CHIC1: variants seen among roughly 807,000 people sequenced by gnomAD.
The protein encoded by CHIC1 is cysteine-rich hydrophobic domain-containing protein 1.
Under a neutral mutation model 18.5 loss-of-function variants are expected in CHIC1, and 7 were observed. The observed-to-expected ratio is 0.38, with a 90% CI of 0.22 to 0.71. CHIC1 has a LOEUF of 0.71. CHIC1 is among the 30% of genes least tolerant of loss of function. The pLI, the probability that CHIC1 is intolerant of heterozygous loss-of-function variation, is 0.49. For missense variants in CHIC1, 159 were observed against 176.9 expected (o/e 0.90, Z 0.57); for synonymous variants, 77 against 73.5 (o/e 1.05, Z -0.25).
chrX:73,585,712 T>C (rs2057549618), intron 3 of CHIC1, among the ~76,000 whole-genome samples: 1 of 111,487 alleles, frequency 9.0e-6, no homozygotes, highest in Admixed American at 9.6e-5. Context: ...GATTTTTTTG[T>C]TTGTTTGTTT....
chrX:73,627,979 C>T (rs764213139), intron 3 of CHIC1, among the ~76,000 whole-genome samples: 4 of 111,579 alleles, frequency 3.6e-5, no homozygotes, highest in East Asian at 2.8e-4. Context: ...CTGGTTATTT[C>T]GAGTTCAAGA....
chrX:73,634,128 A>G (rs765624479), intron 3 of CHIC1, among the ~76,000 whole-genome samples: 40 of 112,006 alleles, frequency 3.6e-4, no homozygotes, highest in African/African-American at 9.1e-4. Flanking sequence ...ACACATTGCC[A>G]TCTTCACAGT....
chrX:73,673,102 G>T (rs974851770), intron 3 of CHIC1, among the ~76,000 whole-genome samples: 12 of 111,597 alleles, frequency 1.1e-4, no homozygotes, highest in Non-Finnish European at 2.1e-4. Context: ...CTGTTCCATT[G>T]ATCTATATCT....
At chrX:73,654,711 C>T (rs2057933544) in intron 3 of CHIC1, among the ~76,000 whole-genome samples, 1 of 111,699 alleles carries the variant, frequency 9.0e-6, no homozygotes, top group Admixed American at 9.5e-5. Context: ...TCACATTTCA[C>T]ATTATTGGTC....
chrX:73,588,060 A>G (rs934082347), intron 3 of CHIC1, among the ~76,000 whole-genome samples: 2 of 111,857 alleles, frequency 1.8e-5, no homozygotes, highest in Admixed American at 9.5e-5. Flanking sequence ...GCTAACTTTG[A>G]TACTTTTCTG....
At chrX:73,677,424 C>G (rs1028149137) in intron 3 of CHIC1, among the ~76,000 whole-genome samples, 1 of 111,748 alleles carries the variant, frequency 8.9e-6, no homozygotes, top group African/African-American at 3.2e-5. Context: ...AATCAAACAA[C>G]TAACTCAGCA....
chrX:73,600,366 C>G (rs2057638550), intron 3 of CHIC1, among the ~76,000 whole-genome samples: 1 of 97,122 alleles, frequency 1.0e-5, no homozygotes, highest in African/African-American at 4.1e-5. Context: ...ACTTCCAACA[C>G]TATGTTGAAT....
In CHIC1 at chrX:73,664,638, G is replaced by C. The variant is rs181976268; in HGVS notation, c.508-14688G>C. ...ACAAATGGCTCCTGAGGCCCTTGTCGAACATTTACAAAAGATCCCTGTTGA... is the reference window on the plus strand; with the variant it reads ...ACAAATGGCTCCTGAGGCCCTTGTCCAACATTTACAAAAGATCCCTGTTGA... On this transcript the variant is annotated intron_variant, in intron 3 of 5. Coordinates refer to ENST00000373502, the MANE Select transcript of CHIC1 (RefSeq NM_001039840.4). Among the ~76,000 whole-genome samples the C allele has an allele frequency of 3.6e-5, 4 of 111,559 alleles. 1 individual carries two copies. The Admixed American group carries it at 3.8e-4, about 11-fold the overall frequency.
At chrX:73,675,330 G>A (rs112653993) in intron 3 of CHIC1, among the ~76,000 whole-genome samples, 11,899 of 110,984 alleles carry the variant, frequency 0.11, 510 homozygotes, top group African/African-American at 0.13. Flanking sequence ...TGACATTGGG[G>A]TGTTAAAGTC....
rs1472825592 is a variant in CHIC1 at position 73,604,169 on chromosome X, C to T, written c.507+19597C>T. ...TCAGTTGGTAAGCTGTTAATTATTG[C>T]CTGAATTTCTGAACCTGTTACTGGT... On this transcript the variant is annotated intron_variant, in intron 3 of 5. Coordinates refer to ENST00000373502, the MANE Select transcript of CHIC1 (RefSeq NM_001039840.4). Among the ~76,000 whole-genome samples, 3 of 104,491 alleles carry T rather than the reference C, an allele frequency of 2.9e-5. 1 individual carries two copies. Among genetic ancestry groups the T allele is most frequent in the African/African-American group, 1.1e-4 (3 of 26,465 alleles). The allele number at this position is 104,491 out of a possible 115,157, so 90.7% of individuals were successfully genotyped here. A position where few individuals can be genotyped will look rare whatever the true frequency, so the allele number is the denominator to read the frequency against.
chrX:73,589,394 T>G (rs766124265), intron 3 of CHIC1, among the ~76,000 whole-genome samples: 2 of 111,200 alleles, frequency 1.8e-5, no homozygotes, highest in Non-Finnish European at 3.8e-5. Context: ...GTATACCTTA[T>G]TTCCTTTTCT....
At chrX:73,677,849 C>T (rs1482538499) in intron 3 of CHIC1, among the ~76,000 whole-genome samples, 1 of 112,291 alleles carries the variant, frequency 8.9e-6, no homozygotes, top group Non-Finnish European at 1.9e-5. Context: ...GAGCTGTAGA[C>T]CAGAGCTGTT....
intron 3 of CHIC1, among the ~76,000 whole-genome samples, chrX:73,586,090 T>C (rs910700455): frequency 2.7e-5 from 3 of 111,663 alleles, no homozygotes; most frequent in East Asian, 5.6e-4. Flanking sequence ...CATTTAAACA[T>C]TGTAATATTT....
At chrX:73,645,068 G>A (rs1043516127) in intron 3 of CHIC1, among the ~76,000 whole-genome samples, 23 of 112,248 alleles carry the variant, frequency 2.0e-4, no homozygotes, top group Non-Finnish European at 1.1e-4. Flanking sequence ...CGTCGCTCAC[G>A]CTGGGAGCTG....
rs1483924833 is a variant in CHIC1 at position 73,679,704 on chromosome X, G to A, written c.615G>A (p.Met205Ile). Reference sequence around the variant, plus strand: ...AGAGGAAATGTGAAACTAGCAATATGATGGAGTATGTAAGTATGAGGTTGT... The same window carrying A: ...AGAGGAAATGTGAAACTAGCAATATAATGGAGTATGTAAGTATGAGGTTGT... ...LTKRKCETSNMMEYVILIEFL... is the reference protein window; with the variant it reads ...LTKRKCETSNIMEYVILIEFL... Residue 205 changes from methionine to isoleucine, a missense_variant, in exon 5 of 6, where the codon ATG becomes ATA. By Grantham distance (10) the Met-to-Ile change is conservative. Transcript: ENST00000373502. 9.3e-7 allele frequency: 1 copy of A among 1,075,793 alleles called. No homozygotes were observed. Among genetic ancestry groups the A allele is most frequent in the Non-Finnish European group, 1.2e-6 (1 of 804,956 alleles). The allele number at this position is 1,075,793 out of a possible 1,213,427, so 88.7% of individuals were successfully genotyped here.
chrX:73,666,866 G>A (rs762318623), intron 3 of CHIC1, among the ~76,000 whole-genome samples: 1 of 111,869 alleles, frequency 8.9e-6, no homozygotes, highest in African/African-American at 3.3e-5. Flanking sequence ...ATATCTATCA[G>A]GTACACTTGA....
Position 73,684,669 on chromosome X carries a change from C to T in CHIC1, c.*3664C>T. The T allele has an allele frequency of 9.0e-6, 1 of 111,427 alleles. No individual in the cohort carries two copies. The highest frequency in any genetic ancestry group is 4.7e-3 in the Middle Eastern group (1 of 211). The allele number at this position is 111,427 out of a possible 1,213,427, so 9.2% of individuals were successfully genotyped here. On this transcript the variant is annotated 3_prime_UTR_variant, in exon 6 of 6. Transcript: ENST00000373502. The stretch of plus-strand genomic sequence containing the variant: ...CTCAAATTTATTGAAATTAGATTCT[C>T]ATGCCTATAAAAGTATACTTTAAAA...
chrX:73,675,590 C>A lies in CHIC1; in HGVS notation c.508-3736C>A, dbSNP rs1233469472. On this transcript the variant is annotated intron_variant, in intron 3 of 5. Transcript: ENST00000373502. ...TTTGTTTTCCATTTGCTTGGTAGAT[C>A]TTCCTCCATCCCTTTATTTTGAGCC... 2.7e-5 allele frequency among the ~76,000 whole-genome samples: 3 copies of A among 111,435 alleles called. No homozygotes were observed. The East Asian group carries it at 8.5e-4, about 32-fold the overall frequency.
At chrX:73,648,629 C>A (rs1398213555) in intron 3 of CHIC1, among the ~76,000 whole-genome samples, 1 of 111,136 alleles carries the variant, frequency 9.0e-6, no homozygotes, top group Non-Finnish European at 1.9e-5. Flanking sequence ...AATTTGAAGA[C>A]CATCTTGCTG....
Sources: gnomAD v4.1 joint callset for allele counts (sites outside exome capture counted in the v4.1 genomes callset) on GRCh38, gnomAD v4.1.1 for gene constraint, MANE v1.5 for transcripts, NCBI Gene and HGNC (gene_info 2026-07-23, HGNC 2026-07-21) for gene names.